SCCPDH: variants seen among roughly 807,000 people sequenced by gnomAD.
The protein encoded by SCCPDH is saccharopine dehydrogenase-like oxidoreductase.
SCCPDH carries 34 observed loss-of-function variants against 51.5 expected under a neutral mutation model. The observed-to-expected ratio is 0.66, with a 90% CI of 0.50 to 0.88. SCCPDH has a LOEUF of 0.88. Ranked by LOEUF, SCCPDH falls within the 40% of genes least tolerant of loss-of-function variation. The pLI, the probability that SCCPDH is intolerant of heterozygous loss-of-function variation, is 0.00. For synonymous variants in SCCPDH, 187 were observed against 191.3 expected, an observed-to-expected ratio of 0.98 and a Z score of 0.19; for missense variants, 464 against 527.1, an observed-to-expected ratio of 0.88 and a Z score of 1.17.
rs527280267 is a variant in SCCPDH at position 246,748,056 on chromosome 1, C to G, written c.564+3931C>G. ...CTACAATTTCCCCCCTTTCAATTTT[C>G]TTGTTATTTCCTCTTCAAACTTTTT... is the stretch of plus-strand genomic sequence containing the variant. On this transcript the variant is annotated intron_variant, in intron 5 of 11. Transcript: ENST00000366510. Among the ~76,000 whole-genome samples the G allele has an allele frequency of 1.1e-4, 16 of 152,160 alleles. No homozygotes were observed. In the South Asian group the frequency reaches 3.1e-3, roughly 30 times the overall value.
At chr1:246,762,563 C>T (rs1289994340) in intron 9 of SCCPDH, among the ~76,000 whole-genome samples, 5 of 152,216 alleles carry the variant, frequency 3.3e-5, no homozygotes, top group African/African-American at 1.2e-4. Flanking sequence ...GAATCATGGC[C>T]GGGCGCAGTG....
intron 4 of SCCPDH, among the ~76,000 whole-genome samples, chr1:246,743,419 C>T (rs1207145687): frequency 6.6e-6 from 1 of 151,734 alleles, no homozygotes; most frequent in Non-Finnish European, 1.5e-5. Flanking sequence ...CCCATCTCTA[C>T]TAAAAATACA....
intron 1 of SCCPDH, among the ~76,000 whole-genome samples, chr1:246,725,768 C>G (rs773909994): frequency 3.9e-5 from 6 of 152,098 alleles, no homozygotes; most frequent in Non-Finnish European, 7.3e-5. Flanking sequence ...AAGATCGTAC[C>G]GGTACAGCCT....
intron 4 of SCCPDH, among the ~76,000 whole-genome samples, chr1:246,741,849 C>G (rs1207446628): frequency 6.6e-6 from 1 of 152,004 alleles, no homozygotes; most frequent in Non-Finnish European, 1.5e-5. Context: ...GGTGGATCAC[C>G]TGAGGTCAGG....
At chr1:246,755,256 A>C (rs1422589956) in intron 5 of SCCPDH, among the ~76,000 whole-genome samples, 1 of 152,188 alleles carries the variant, frequency 6.6e-6, no homozygotes, top group Non-Finnish European at 1.5e-5. Context: ...TCAAAATCAC[A>C]AACAGGTTTT....
At chr1:246,732,564 T>C (rs899611159) in intron 2 of SCCPDH, among the ~76,000 whole-genome samples, 2 of 152,132 alleles carry the variant, frequency 1.3e-5, no homozygotes, top group Admixed American at 6.5e-5. Flanking sequence ...ATTTTTATAT[T>C]TTTAGTCGAG....
At chr1:246,726,184 C>G (rs1046476997) in intron 1 of SCCPDH, among the ~76,000 whole-genome samples, 1 of 152,208 alleles carries the variant, frequency 6.6e-6, no homozygotes, top group South Asian at 2.1e-4. Flanking sequence ...AACAGTCAGT[C>G]CGAAACTCTC....
chr1:246,748,410 G>C (rs577700230), intron 5 of SCCPDH, among the ~76,000 whole-genome samples: 10 of 152,312 alleles, frequency 6.6e-5, no homozygotes, highest in East Asian at 1.9e-4. Context: ...GCTCCCAGTG[G>C]GGGTAGTGTT....
chr1:246,736,655 C>T (rs908759284), intron 3 of SCCPDH, among the ~76,000 whole-genome samples: 12 of 151,882 alleles, frequency 7.9e-5, no homozygotes, highest in African/African-American at 2.7e-4. Flanking sequence ...GAGCCGAGAT[C>T]ACTCCACTGC....
At chr1:246,758,017 T>A in intron 5 of SCCPDH, among the ~76,000 whole-genome samples, 1 of 151,912 alleles carries the variant, frequency 6.6e-6, no homozygotes, top group Middle Eastern at 3.2e-3. Flanking sequence ...AAGAAAGGGC[T>A]TCTCGGTGTA....
intron 5 of SCCPDH, among the ~76,000 whole-genome samples, chr1:246,754,717 C>T (rs774201288): frequency 1.3e-5 from 2 of 152,190 alleles, no homozygotes; most frequent in Non-Finnish European, 2.9e-5. Flanking sequence ...CCTAGGTTAT[C>T]TAATTTGTTG....
intron 3 of SCCPDH, among the ~76,000 whole-genome samples, chr1:246,737,871 C>A (rs1668621174): frequency 6.6e-6 from 1 of 152,052 alleles, no homozygotes; most frequent in Admixed American, 6.5e-5. Context: ...GGATTACAGG[C>A]ATGAGCCACC....
intron 3 of SCCPDH, 88 bp from the exon 4 acceptor site, chr1:246,740,084 G>T (rs1332826429): frequency 9.5e-7 from 1 of 1,055,032 alleles, no homozygotes; most frequent in Non-Finnish European, 1.4e-6. Context: ...TTCAAAGTTT[G>T]GTTGCTTTGT....
At chr1:246,765,798 C>G (rs4926449) in intron 10 of SCCPDH, among the ~76,000 whole-genome samples, 16,945 of 152,142 alleles carry the variant, frequency 0.11, 1,825 homozygotes, top group African/African-American at 0.27. Flanking sequence ...TAACCTCTCT[C>G]TCTATGGGAT....
chr1:246,760,040 T>G lies in SCCPDH; in HGVS notation c.897T>G (p.Phe299Leu). 1 of 1,613,630 alleles carries G rather than the reference T, an allele frequency of 6.2e-7. No homozygotes were observed. The highest frequency in any genetic ancestry group is 8.5e-7 in the Non-Finnish European group (1 of 1,179,748). Residue 299 changes from phenylalanine (F) to leucine (L), a missense_variant, in exon 8 of 12, where the codon TTT becomes TTG. Physicochemically the swap from Phe to Leu is conservative, Grantham distance 22. Transcript: ENST00000366510. Reference protein sequence around the residue: ...LMFAGLFFLFFVRFGIGRQLL... With the variant: ...LMFAGLFFLFLVRFGIGRQLL... ...TTGCAGGACTTTTCTTTTTGTTCTT[T>G]GTGAGGTTTGGAATTGGAAGGCAAC...
chr1:246,751,046 G>A (rs1444475027), intron 5 of SCCPDH, among the ~76,000 whole-genome samples: 1 of 152,184 alleles, frequency 6.6e-6, no homozygotes, highest in Non-Finnish European at 1.5e-5. Context: ...AAGGGGTTTG[G>A]ATAACATTTC....
At chr1:246,731,143 G>C (rs1200087316) in intron 2 of SCCPDH, among the ~76,000 whole-genome samples, 1 of 152,192 alleles carries the variant, frequency 6.6e-6, no homozygotes, top group African/African-American at 2.4e-5. Context: ...CAGGGGAGAA[G>C]TGTCTCCCCG....
chr1:246,736,036 A>T lies in SCCPDH; in HGVS notation c.365A>T (p.Asp122Val), dbSNP rs1668584626. The T allele has an allele frequency of 1.2e-6, 2 of 1,611,314 alleles. No homozygotes were observed. The highest frequency in any genetic ancestry group is 1.7e-6 in the Non-Finnish European group (2 of 1,177,710). Residue 122 changes from aspartate (D) to valine (V), a missense_variant, in exon 3 of 12, where the codon GAC becomes GTC. Transcript: ENST00000366510. ...ATTGAAAATGGAGCCAGTTGTATCG[A>T]CATCAGTGGAGAACCTCAGGTATAA... Reference protein sequence around the residue: ...ACIENGASCIDISGEPQFLEL... With the variant: ...ACIENGASCIVISGEPQFLEL...
At chr1:246,740,080 G>A in intron 3 of SCCPDH, 92 bp from the exon 4 acceptor site, 1 of 1,032,344 alleles carries the variant, frequency 9.7e-7, no homozygotes, top group Non-Finnish European at 1.4e-6. Flanking sequence ...CATTTTCAAA[G>A]TTTGGTTGCT....
Sources: gnomAD v4.1 joint callset for allele counts (sites outside exome capture counted in the v4.1 genomes callset) on GRCh38, gnomAD v4.1.1 for gene constraint, MANE v1.5 for transcripts, NCBI Gene and HGNC (gene_info 2026-07-23, HGNC 2026-07-21) for gene names.